Variants in ODAD2 observed in about 807,000 individuals in gnomAD.
ODAD2 encodes outer dynein arm-docking complex subunit 2.
Under a neutral mutation model 106.8 loss-of-function variants are expected in ODAD2, and 89 were observed. That is an observed-to-expected ratio of 0.83 (90% CI 0.70 to 0.99). ODAD2 has a LOEUF of 0.99. ODAD2 is among the 50% of genes least tolerant of loss of function. The pLI, the probability that ODAD2 is intolerant of heterozygous loss-of-function variation, is 0.00. For synonymous variants in ODAD2, 404 were observed against 436.2 expected (o/e 0.93, Z 0.92); for missense variants, 1,168 against 1,238.5 (o/e 0.94, Z 0.85).
At position 27,983,813 on chromosome 10, in the gene ODAD2, CT is replaced by C. The variant is rs767913800; in HGVS notation, c.819+29del. On this transcript the variant is annotated intron_variant, in intron 6 of 19. Coordinates refer to ENST00000305242, the MANE Select transcript of ODAD2 (RefSeq NM_018076.5). Reference sequence around the variant, plus strand: ...ACAGCTAACAATCAAAGTCCACTGGCTTTAGTTACGTTTTTAAAAATTTACT... The same window carrying C: ...ACAGCTAACAATCAAAGTCCACTGGCTTAGTTACGTTTTTAAAAATTTACT... 34 of 1,607,080 alleles carry C rather than the reference CT, an allele frequency of 2.1e-5. 1 individual carries two copies. The South Asian group carries it at 3.5e-4, about 17-fold the overall frequency.
rs1848146632 is a variant in ODAD2, at chr10:27,961,613, C to T, written c.1341G>A (p.Leu447=). ...PDHRQEASAD[L]PSEYWQIQKL... ...TCTGAATTTGCCAATATTCTGATGGCAAATCTGCACTTGCTTCCTGACGAT... is the reference window on the plus strand; with the variant it reads ...TCTGAATTTGCCAATATTCTGATGGTAAATCTGCACTTGCTTCCTGACGAT... Residue 447 remains leucine, a synonymous_variant, in exon 10 of 20, where the codon TTG becomes TTA. Coordinates refer to ENST00000305242, the MANE Select transcript of ODAD2 (RefSeq NM_018076.5). The T allele has an allele frequency of 3.1e-6, 5 of 1,612,302 alleles. No homozygotes were observed. Among genetic ancestry groups the T allele is most frequent in the Non-Finnish European group, 4.2e-6 (5 of 1,179,106 alleles).
chr10:27,820,214 C>T (rs532269705), intron 19 of ODAD2, among the ~76,000 whole-genome samples: 1 of 152,250 alleles, frequency 6.6e-6, no homozygotes, highest in South Asian at 2.1e-4. Context: ...CCACATGCCA[C>T]TGGCTGCTGC....
At chr10:27,855,472 T>C (rs1379871391) in intron 19 of ODAD2, among the ~76,000 whole-genome samples, 1 of 152,174 alleles carries the variant, frequency 6.6e-6, no homozygotes, top group Admixed American at 6.6e-5. Context: ...CTCCAAGGAA[T>C]GTCTGGAATG....
At chr10:27,990,883 G>C (rs1351539789) in intron 2 of ODAD2, among the ~76,000 whole-genome samples, 2 of 152,122 alleles carry the variant, frequency 1.3e-5, no homozygotes, top group Non-Finnish European at 2.9e-5. Flanking sequence ...AGATGCAGTG[G>C]AGTGAGATTT....
intron 10 of ODAD2, among the ~76,000 whole-genome samples, chr10:27,952,367 T>A (rs1847406532): frequency 6.6e-6 from 1 of 151,780 alleles, no homozygotes; most frequent in South Asian, 2.1e-4. Context: ...TGGATTCCAA[T>A]CCTATATTGA....
chr10:27,971,349 T>C, intron 7 of ODAD2, 36 bp from the exon 8 acceptor site: 3 of 1,490,976 alleles, frequency 2.0e-6, no homozygotes, highest in Non-Finnish European at 1.8e-6. Context: ...TTTAATGATA[T>C]CTGAATTATC....
chr10:27,956,964 AG>A (rs749046419), intron 10 of ODAD2: 1 of 152,190 alleles, frequency 6.6e-6, no homozygotes, highest in South Asian at 2.1e-4. Context: ...GTTTCACAAA[AG>A]GGCTCTCCAC....
At chr10:27,940,505 T>A in intron 13 of ODAD2, 58 bp downstream of exon 13, 1 of 1,595,938 alleles carries the variant, frequency 6.3e-7, no homozygotes, top group Non-Finnish European at 8.6e-7. Context: ...TAGAAACAAC[T>A]TTTGGACTAA....
At chr10:27,995,441 G>A (rs1173826094) in intron 1 of ODAD2, among the ~76,000 whole-genome samples, 1 of 152,104 alleles carries the variant, frequency 6.6e-6, no homozygotes. Flanking sequence ...GGGCCTAAGA[G>A]AGAGGATTCA....
At chr10:27,832,171 G>A (rs983056735) in intron 19 of ODAD2, among the ~76,000 whole-genome samples, 3 of 152,142 alleles carry the variant, frequency 2.0e-5, no homozygotes, top group African/African-American at 4.8e-5. Flanking sequence ...ACCACTCCTC[G>A]GAACCTTTCA....
chr10:27,848,447 A>G (rs189938586), intron 19 of ODAD2, among the ~76,000 whole-genome samples: 148 of 152,026 alleles, frequency 9.7e-4, no homozygotes, highest in African/African-American at 3.2e-3. Context: ...ACCTAAAACC[A>G]TACAAACCCT....
At chr10:27,925,175 C>T (rs977475784) in intron 16 of ODAD2, among the ~76,000 whole-genome samples, 3 of 151,924 alleles carry the variant, frequency 2.0e-5, no homozygotes, top group African/African-American at 7.3e-5. Context: ...AAAAACAGTA[C>T]ACTATGACTA....
chr10:27,827,366 A>C (rs1837130413), intron 19 of ODAD2, among the ~76,000 whole-genome samples: 1 of 96,468 alleles, frequency 1.0e-5, no homozygotes, highest in African/African-American at 4.2e-5. Context: ...ACACACACAT[A>C]CACACACACA....
intron 19 of ODAD2, among the ~76,000 whole-genome samples, chr10:27,846,883 G>A (rs1838808339): frequency 6.6e-6 from 1 of 151,950 alleles, no homozygotes; most frequent in South Asian, 2.1e-4. Context: ...GGAAGAAGTT[G>A]AATCCCTCAA....
intron 16 of ODAD2, among the ~76,000 whole-genome samples, chr10:27,934,477 A>G (rs571259883): frequency 6.6e-6 from 1 of 150,512 alleles, no homozygotes; most frequent in South Asian, 2.1e-4. Context: ...TTATATATGG[A>G]TATATCTCTC....
chr10:27,985,551 GAA>G (rs1849825979), intron 3 of ODAD2, among the ~76,000 whole-genome samples: 1 of 152,078 alleles, frequency 6.6e-6, no homozygotes, highest in Non-Finnish European at 1.5e-5. Context: ...GAATTTATTT[GAA>G]GATGGAGAAA....
At chr10:27,899,225 C>G (rs1368026625) in intron 17 of ODAD2, among the ~76,000 whole-genome samples, 2 of 151,958 alleles carry the variant, frequency 1.3e-5, no homozygotes, top group Non-Finnish European at 2.9e-5. Flanking sequence ...AATCCCTCCC[C>G]TAGCCAAGGG....
intron 19 of ODAD2, among the ~76,000 whole-genome samples, chr10:27,836,710 A>G (rs562846044): frequency 6.6e-6 from 1 of 152,260 alleles, no homozygotes; most frequent in African/African-American, 2.4e-5. Flanking sequence ...TTTCTTTAGG[A>G]TTTCAAGGAA....
At chr10:27,984,942 C>T (rs996200024) in intron 4 of ODAD2, 77 bp downstream of exon 4, 8 of 839,718 alleles carry the variant, frequency 9.5e-6, no homozygotes, top group South Asian at 2.3e-5. Flanking sequence ...CAGAGTCTTG[C>T]TCTGTCACCC....
Sources: allele counts gnomAD v4.1 joint callset (sites outside exome capture counted in the v4.1 genomes callset), GRCh38; gene constraint gnomAD v4.1.1; transcripts MANE v1.5; gene names NCBI Gene and HGNC (gene_info 2026-07-23, HGNC 2026-07-21).